Variants in GRK1 observed in about 807,000 individuals in gnomAD.
The protein encoded by GRK1 is G protein-coupled receptor kinase 1.
In GRK1, 28 loss-of-function variants were observed where a neutral mutation model predicts 41.7. The observed-to-expected ratio is 0.67, with a 90% CI of 0.50 to 0.92. The LOEUF is 0.92. Ranked by LOEUF, GRK1 falls within the 40% of genes least tolerant of loss-of-function variation. GRK1 has a pLI of 0.00. For missense variants in GRK1, 703 were observed against 671.2 expected, an observed-to-expected ratio of 1.05 and a Z score of -0.52; for synonymous variants, 327 against 286.7, an observed-to-expected ratio of 1.14 and a Z score of -1.42.
chr13:113,723,942 G>A (rs2140722787), intron 4 of GRK1, among the ~76,000 whole-genome samples: 1 of 151,694 alleles, frequency 6.6e-6, no homozygotes, highest in East Asian at 1.9e-4. Context: ...GTGTATCCGT[G>A]TGCCTGTGTC....
chr13:113,656,100 G>C, the GRK1 span, among the ~76,000 whole-genome samples: 1 of 152,218 alleles, frequency 6.6e-6, no homozygotes, highest in African/African-American at 2.4e-5. Context: ...TCAGCCTCCG[G>C]TTTTGAGTTT....
At position 113,667,438 on chromosome 13, in the gene GRK1, G is replaced by C; in HGVS notation, c.52G>C (p.Ala18Pro). The change falls in exon 1 of 7, where the codon GCC becomes CCC. Residue 18 changes from alanine (A) to proline (P), a missense_variant. Physicochemically the swap from Ala to Pro is conservative, Grantham distance 27 (BLOSUM62 -1). Transcript: ENST00000335678. This position sits in a 1 kb window ranked among gnomAD's most constrained non-coding sequence, Gnocchi z 7.5. ...TVVANSAFIAARGSFDGSSSQ... is the reference protein window; with the variant it reads ...TVVANSAFIAPRGSFDGSSSQ... ...GGTGGCCAACTCTGCCTTCATCGCC[G>C]CCCGAGGCAGCTTTGACGGCAGCAG... is the stretch of plus-strand genomic sequence containing the variant. 1.2e-6 allele frequency: 2 copies of C among 1,605,000 alleles called. No homozygotes were observed. Among genetic ancestry groups the C allele is most frequent in the Non-Finnish European group, 1.7e-6 (2 of 1,174,716 alleles).
the GRK1 span, among the ~76,000 whole-genome samples, chr13:113,660,789 A>G: frequency 1.3e-5 from 2 of 152,274 alleles, no homozygotes; most frequent in African/African-American, 4.8e-5. Context: ...TAAAGCAGCC[A>G]TGATAAAAAT....
intron 4 of GRK1, among the ~76,000 whole-genome samples, chr13:113,729,269 C>T (rs2049916198): frequency 2.0e-5 from 3 of 152,330 alleles, no homozygotes; most frequent in Non-Finnish European, 2.9e-5. Context: ...GATGTGCGAG[C>T]GAGGCTCCAG....
At chr13:113,654,804 G>C in the GRK1 span, 1 of 1,612,674 alleles carries the variant, frequency 6.2e-7, no homozygotes, top group East Asian at 2.2e-5. Flanking sequence ...GCAACATCCC[G>C]GGCGCTTACC....
chr13:113,662,807 T>G (rs2049797392), upstream of GRK1, among the ~76,000 whole-genome samples: 1 of 152,204 alleles, frequency 6.6e-6, no homozygotes, highest in South Asian at 2.1e-4. Context: ...TTTGAATAAA[T>G]GGAGACACAC....
At chr13:113,733,209 C>G (rs2049950493) in intron 6 of GRK1, 124 bp downstream of exon 6, 9 of 932,786 alleles carry the variant, frequency 9.6e-6, no homozygotes, top group Non-Finnish European at 1.4e-5. Context: ...AAGGCTCTCC[C>G]TCTGCCCCCA....
chr13:113,733,681 A>ACGTGTGTGTGCGCGTG (rs2049961431), intron 6 of GRK1, among the ~76,000 whole-genome samples: 1 of 87,572 alleles, frequency 1.1e-5, no homozygotes, highest in Non-Finnish European at 2.1e-5. Flanking sequence ...ACGTGTGTGC[A>ACGTGTGTGTGCGCGTG]TGTATGTGTG....
the GRK1 span, among the ~76,000 whole-genome samples, chr13:113,656,914 T>A: frequency 6.6e-6 from 1 of 151,980 alleles, no homozygotes; most frequent in African/African-American, 2.4e-5. Context: ...CCTCAGCTCC[T>A]TCCCCATCCT....
chr13:113,733,916 G>C (rs2049975290), intron 6 of GRK1, among the ~76,000 whole-genome samples: 1 of 107,100 alleles, frequency 9.3e-6, no homozygotes, highest in African/African-American at 4.7e-5. Flanking sequence ...CATACAGTGT[G>C]CGTGTGTGCA....
At chr13:113,666,056 CCTCAGCTCTCCCAGGTGTGT>C (rs1218902266), upstream of GRK1, among the ~76,000 whole-genome samples, 9 of 144,214 alleles carry the variant, frequency 6.2e-5, no homozygotes, top group African/African-American at 2.3e-4. Flanking sequence ...CCCAGGTGTG[CCTCAGCTCTCCCAGGTGTGT>C]CCTACATGTG....
At chr13:113,655,005 G>T in the GRK1 span, 1 of 1,596,312 alleles carries the variant, frequency 6.3e-7, no homozygotes, top group Non-Finnish European at 8.5e-7. Flanking sequence ...CAATTCGGTG[G>T]CCTTGAGCGC....
chr13:113,723,194 T>G (rs545423459), intron 4 of GRK1, 37 bp downstream of exon 4: 2 of 692,534 alleles, frequency 2.9e-6, no homozygotes, highest in Non-Finnish European at 5.3e-6. Context: ...GCTCCGTGCA[T>G]GGGTTACGTC....
At chr13:113,723,783 CGTGTGTCTGTGTGCCTGCAT>C (rs748958205) in intron 4 of GRK1, among the ~76,000 whole-genome samples, 1 of 151,016 alleles carries the variant, frequency 6.6e-6, no homozygotes, top group Non-Finnish European at 1.5e-5. Flanking sequence ...TGTGCACACA[CGTGTGTCTGTGTGCCTGCAT>C]GTGTGCCTGT....
chr13:113,733,662 C>CGT (rs377471247), intron 6 of GRK1, among the ~76,000 whole-genome samples: 40,686 of 125,946 alleles, frequency 0.32, 7,969 homozygotes, highest in East Asian at 0.5. Context: ...CGTGTGTGTG[C>CGT]GTGTGTGCAC....
the GRK1 span, among the ~76,000 whole-genome samples, chr13:113,652,179 C>A: frequency 6.6e-6 from 1 of 152,362 alleles, no homozygotes; most frequent in Middle Eastern, 3.4e-3. Context: ...CCAGCCATCC[C>A]CTGCTGTGCT....
At chr13:113,733,450 A>G (rs1183665361) in intron 6 of GRK1, among the ~76,000 whole-genome samples, 1 of 150,360 alleles carries the variant, frequency 6.7e-6, no homozygotes, top group Non-Finnish European at 1.5e-5. Flanking sequence ...ACCCACCAGC[A>G]CTTGCTTGAC....
chr13:113,650,225 A>C, the GRK1 span, among the ~76,000 whole-genome samples: 3 of 151,934 alleles, frequency 2.0e-5, no homozygotes, highest in Non-Finnish European at 4.4e-5. The surrounding 1 kb of genome is among the most constrained non-coding windows in gnomAD (Gnocchi z 5.0). Flanking sequence ...GCGTGAGAGG[A>C]ATGTTTCCAG....
chr13:113,668,241 G>A (rs554263441), intron 1 of GRK1, 156 bp downstream of exon 1: 18 of 298,224 alleles, frequency 6.0e-5, no homozygotes, highest in Middle Eastern at 1.7e-3. Flanking sequence ...TGGGCGCCCC[G>A]CGGCCGTGCG....
Sources: gnomAD v4.1 joint callset for allele counts (sites outside exome capture counted in the v4.1 genomes callset) on GRCh38, gnomAD v4.1.1 for gene constraint, Gnocchi (gnomAD v3.1) non-coding constraint, MANE v1.5 for transcripts, NCBI Gene and HGNC (gene_info 2026-07-23, HGNC 2026-07-21) for gene names.